Variants in C1orf185 observed in about 807,000 individuals in gnomAD.
C1orf185 encodes the protein uncharacterized protein C1orf185.
Under a neutral mutation model 16.1 loss-of-function variants are expected in C1orf185, and 13 were observed. The ratio of observed to expected loss-of-function variants is 0.81; its 90% CI spans 0.53 to 1.28. The LOEUF (loss-of-function observed/expected upper bound fraction) is 1.28, where lower values mean the gene tolerates loss of function less well. C1orf185 is among the 50% of genes most tolerant of loss of function. C1orf185 has a pLI of 0.00. For synonymous variants in C1orf185, 80 were observed against 76.9 expected (o/e 1.04, Z -0.21); for missense variants, 220 against 225.2 (o/e 0.98, Z 0.15).
rs116996608 is a variant in C1orf185, at chr1:51,138,802, C to T, written c.259-6922C>T. 6.2e-3 allele frequency among the ~76,000 whole-genome samples: 947 copies of T among 152,240 alleles called. 25 individuals are homozygous for T. The East Asian group carries it at 0.079, about 13-fold the overall frequency. On this transcript the variant is annotated intron_variant, in intron 3 of 4. Transcript: ENST00000371759. Reference sequence around the variant, plus strand: ...TCCCAGGTTCAAACAAGTCTCCTGCCCCAGCCTCCCAACCAGCTGGGATTA... The same window carrying T: ...TCCCAGGTTCAAACAAGTCTCCTGCTCCAGCCTCCCAACCAGCTGGGATTA...
At chr1:51,151,714 A>T (rs992441428), downstream of C1orf185, among the ~76,000 whole-genome samples, 2 of 151,816 alleles carry the variant, frequency 1.3e-5, no homozygotes, top group African/African-American at 2.4e-5. Flanking sequence ...TTTGAGACAG[A>T]GTCTTGCTCT....
chr1:51,147,524 A>G lies in C1orf185; in HGVS notation c.353A>G (p.Asp118Gly), dbSNP rs1245403849. 1 of 1,547,984 alleles carries G rather than the reference A, an allele frequency of 6.5e-7. No homozygotes were observed. Among genetic ancestry groups the G allele is most frequent in the Non-Finnish European group, 8.7e-7 (1 of 1,146,094 alleles). The change falls in exon 5 of 5, where the codon GAT becomes GGT. Residue 118 changes from aspartate (D) to glycine (G), a missense_variant. Transcript: ENST00000371759. The part of the protein sequence containing the change: ...PQLATKNIIC[D>G]PSETSSTTNR... ...CTTGCAACAAAAAATATCATTTGTG[A>G]TCCCTCAGAGACCAGCTCCACAACA...
downstream of C1orf185, among the ~76,000 whole-genome samples, chr1:51,148,343 G>C (rs147559589): frequency 6.6e-6 from 1 of 151,984 alleles, no homozygotes; most frequent in African/African-American, 2.4e-5. Context: ...GGCTAGTCTC[G>C]AACTCCTGAC....
At chr1:51,136,394 G>T (rs1057181892) in intron 3 of C1orf185, among the ~76,000 whole-genome samples, 2 of 149,906 alleles carry the variant, frequency 1.3e-5, no homozygotes, top group African/African-American at 2.5e-5. Context: ...GGAGTGCAGT[G>T]GTGTGATCTC....
At chr1:51,149,562 G>A (rs1005274797), downstream of C1orf185, among the ~76,000 whole-genome samples, 4 of 152,176 alleles carry the variant, frequency 2.6e-5, no homozygotes, top group African/African-American at 7.2e-5. Context: ...CGATCCCAGA[G>A]AAGGAAATTA....
chr1:51,103,412 C>A (rs942689182), intron 1 of C1orf185, among the ~76,000 whole-genome samples: 1 of 143,012 alleles, frequency 7.0e-6, no homozygotes, highest in African/African-American at 2.8e-5. Flanking sequence ...TCTCGAAAAA[C>A]ACACACACAC....
At chr1:51,102,917 T>C (rs1646042304) in intron 1 of C1orf185, among the ~76,000 whole-genome samples, 1 of 152,156 alleles carries the variant, frequency 6.6e-6, no homozygotes, top group Non-Finnish European at 1.5e-5. Flanking sequence ...TGCATAGTAT[T>C]TTCATTATTA....
intron 2 of C1orf185, among the ~76,000 whole-genome samples, chr1:51,112,999 A>G (rs920791718): frequency 2.0e-5 from 3 of 151,608 alleles, no homozygotes; most frequent in African/African-American, 4.8e-5. Flanking sequence ...TTGTATTTTT[A>G]GTAGAGACGG....
chr1:51,117,779 T>C (rs150930297), intron 2 of C1orf185, among the ~76,000 whole-genome samples: 3 of 152,326 alleles, frequency 2.0e-5, no homozygotes, highest in Non-Finnish European at 2.9e-5. Flanking sequence ...CATTCCCTTA[T>C]ACTTAACTGT....
At chr1:51,145,620 A>C (rs1646393701) in intron 3 of C1orf185, 104 bp from the exon 4 acceptor site, 1 of 563,676 alleles carries the variant, frequency 1.8e-6, no homozygotes, top group South Asian at 3.4e-5. Flanking sequence ...TTTTCCATTA[A>C]AAAATTATAA....
At chr1:51,103,714 T>C (rs1040101862) in intron 1 of C1orf185, among the ~76,000 whole-genome samples, 4 of 152,148 alleles carry the variant, frequency 2.6e-5, no homozygotes, top group Non-Finnish European at 5.9e-5. Flanking sequence ...TGTGTGTTTT[T>C]AGTAGAGACA....
At chr1:51,140,732 C>A (rs182645304) in intron 3 of C1orf185, among the ~76,000 whole-genome samples, 79 of 152,284 alleles carry the variant, frequency 5.2e-4, no homozygotes, top group Non-Finnish European at 9.9e-4. Flanking sequence ...GGATTTTCCA[C>A]TTCATCTAAG....
chr1:51,126,634 A>G (rs1646242526), intron 3 of C1orf185, among the ~76,000 whole-genome samples: 1 of 152,198 alleles, frequency 6.6e-6, no homozygotes, highest in Non-Finnish European at 1.5e-5. Context: ...AGAATAATCT[A>G]TGATTTATAG....
chr1:51,106,368 T>G (rs1479983712), intron 1 of C1orf185, among the ~76,000 whole-genome samples: 3 of 152,104 alleles, frequency 2.0e-5, no homozygotes, highest in Admixed American at 2.0e-4. Context: ...TCTCTCTCCC[T>G]ATCTCTCTTT....
At chr1:51,104,374 C>T (rs4926879) in intron 1 of C1orf185, among the ~76,000 whole-genome samples, 129,752 of 152,180 alleles carry the variant, frequency 0.85, 55,449 homozygotes, top group East Asian at 0.91. Flanking sequence ...TGATTTAATA[C>T]ATAGGTCTAT....
intron 3 of C1orf185, among the ~76,000 whole-genome samples, chr1:51,124,559 A>T (rs1646224324): frequency 6.6e-6 from 1 of 152,250 alleles, no homozygotes; most frequent in Admixed American, 6.5e-5. Flanking sequence ...CAGCACATCC[A>T]GAGACAGCAA....
downstream of C1orf185, among the ~76,000 whole-genome samples, chr1:51,150,091 G>A (rs75861752): frequency 0.021 from 3,268 of 152,056 alleles, 99 homozygotes; most frequent in African/African-American, 0.073. Flanking sequence ...TACAATCAAA[G>A]CATCATGCCT....
At chr1:51,135,706 A>C (rs1646319153) in intron 3 of C1orf185, among the ~76,000 whole-genome samples, 2 of 152,218 alleles carry the variant, frequency 1.3e-5, no homozygotes, top group Admixed American at 1.3e-4. Context: ...CATCATACTG[A>C]ATGGGCAGAA....
At chr1:51,129,953 A>C (rs1015868208) in intron 3 of C1orf185, among the ~76,000 whole-genome samples, 1 of 152,220 alleles carries the variant, frequency 6.6e-6, no homozygotes, top group Non-Finnish European at 1.5e-5. Context: ...ACATACATTC[A>C]GTCGATAATA....
Sources: gnomAD v4.1 joint callset for allele counts (sites outside exome capture counted in the v4.1 genomes callset) on GRCh38, gnomAD v4.1.1 for gene constraint, MANE v1.5 for transcripts, NCBI Gene and HGNC (gene_info 2026-07-23, HGNC 2026-07-21) for gene names.